SMURF1: variants seen among roughly 807,000 people sequenced by gnomAD.
SMURF1 encodes the protein E3 ubiquitin-protein ligase SMURF1.
In SMURF1, 44 loss-of-function variants were observed where a neutral mutation model predicts 98.0. The ratio of observed to expected loss-of-function variants is 0.45; its 90% CI spans 0.35 to 0.58. The LOEUF is 0.58. SMURF1 is among the 20% of genes least tolerant of loss of function. SMURF1 has a pLI of 0.00. For missense variants in SMURF1, 687 were observed against 938.4 expected, an observed-to-expected ratio of 0.73 and a Z score of 3.50; for synonymous variants, 396 against 374.9, an observed-to-expected ratio of 1.06 and a Z score of -0.65.
intron 1 of SMURF1, among the ~76,000 whole-genome samples, chr7:99,093,041 T>C (rs1453168836): frequency 6.6e-6 from 1 of 152,108 alleles, no homozygotes; most frequent in African/African-American, 2.4e-5. Context: ...CTAACACCAG[T>C]GGTCTTCACT....
intron 1 of SMURF1, among the ~76,000 whole-genome samples, chr7:99,130,140 C>T (rs1182246571): frequency 6.6e-6 from 1 of 152,050 alleles, no homozygotes; most frequent in Non-Finnish European, 1.5e-5. Flanking sequence ...ATAATCTGTA[C>T]CTGAATTTTG....
At chr7:99,049,306 G>A (rs767374798) in intron 9 of SMURF1, 5 of 429,618 alleles carry the variant, frequency 1.2e-5, no homozygotes, top group Admixed American at 3.8e-5. Context: ...TCGTGCAGCC[G>A]CCTAATACTG....
chr7:99,075,228 C>T (rs555370213), intron 1 of SMURF1, among the ~76,000 whole-genome samples: 1 of 152,280 alleles, frequency 6.6e-6, no homozygotes, highest in South Asian at 2.1e-4. Flanking sequence ...AAGCGATCCT[C>T]CCACCTCAGC....
Position 99,052,375 on chromosome 7 carries a change from T to C in SMURF1, c.551A>G (p.Asp184Gly). The C allele has an allele frequency of 6.2e-7, 1 of 1,612,200 alleles. No individual in the cohort carries two copies. Among genetic ancestry groups the C allele is most frequent in the African/African-American group, 1.3e-5 (1 of 75,026 alleles). The change falls in exon 7 of 18, where the codon GAT becomes GGT. Residue 184 changes from aspartate to glycine, a missense_variant. By Grantham distance (94) the Asp-to-Gly change is moderately conservative. Around this residue, in one of 2 missense-constraint regions of SMURF1, gnomAD observed 415 missense variants for 508.4 expected, o/e 0.82. Coordinates refer to ENST00000361368, the MANE Select transcript of SMURF1 (RefSeq NM_181349.3). ...CFMEEPAPYT[D>G]STGAAAGGGN... ...TCCTCCAGCAGCAGCACCGGTGCTA[T>C]CTGTGTAAGGGGCTGGTTCCTCCAT...
chr7:99,077,005 C>A (rs564883401), intron 1 of SMURF1, among the ~76,000 whole-genome samples: 3,441 of 147,952 alleles, frequency 0.023, 136 homozygotes, highest in African/African-American at 0.083. Flanking sequence ...AAAAAAAAAA[C>A]AAAAAAGGTT....
intron 1 of SMURF1, among the ~76,000 whole-genome samples, chr7:99,096,459 T>C (rs1796958289): frequency 6.6e-6 from 1 of 152,116 alleles, no homozygotes; most frequent in Admixed American, 6.5e-5. Flanking sequence ...CCAGCGAAAT[T>C]GCAACTCACA....
At position 99,037,124 on chromosome 7, in the gene SMURF1, C is replaced by T. The variant is rs770555536; in HGVS notation, c.1752G>A (p.Gly584=). 2.9e-5 allele frequency: 46 copies of T among 1,614,022 alleles called. No individual in the cohort carries two copies. Among genetic ancestry groups the T allele is most frequent in the Non-Finnish European group, 3.1e-5 (36 of 1,180,040 alleles). ...GATGTTGAGGGATGAGCTCATTGAA[C>T]CCCTTCTGCAGAGCTAAGAACTGGG... is the stretch of plus-strand genomic sequence containing the variant. ...IEAQFLALQK[G]FNELIPQHLL... Residue 584 remains glycine (G), a synonymous_variant, in exon 15 of 18, where the codon GGG becomes GGA. Coordinates refer to ENST00000361368, the MANE Select transcript of SMURF1 (RefSeq NM_181349.3).
At chr7:99,143,494 G>C (rs1296327649) in intron 1 of SMURF1, among the ~76,000 whole-genome samples, 1 of 130,342 alleles carries the variant, frequency 7.7e-6, no homozygotes, top group Non-Finnish European at 1.7e-5. Flanking sequence ...AGGTGCGGGG[G>C]AACGGGAGGG....
chr7:99,135,343 CCCTCTCT>C (rs1268598082), intron 1 of SMURF1, among the ~76,000 whole-genome samples: 3 of 151,922 alleles, frequency 2.0e-5, no homozygotes, highest in South Asian at 2.1e-4. Flanking sequence ...TCTCCTCTCT[CCCTCTCT>C]CCTCTCTCTT....
chr7:99,078,360 A>G (rs1796509600), intron 1 of SMURF1, among the ~76,000 whole-genome samples: 2 of 152,100 alleles, frequency 1.3e-5, no homozygotes, highest in Non-Finnish European at 2.9e-5. Flanking sequence ...ACAGATAATT[A>G]GGTTTGAGAC....
At chr7:99,031,185 A>C (rs770176944) in intron 17 of SMURF1, among the ~76,000 whole-genome samples, 1 of 152,114 alleles carries the variant, frequency 6.6e-6, no homozygotes, top group Admixed American at 6.6e-5. Flanking sequence ...ACCACTAACG[A>C]TGTACTGCGT....
At chr7:99,093,877 A>C (rs943641260) in intron 1 of SMURF1, among the ~76,000 whole-genome samples, 1 of 152,142 alleles carries the variant, frequency 6.6e-6, no homozygotes, top group Admixed American at 6.5e-5. Context: ...TAAATGTTCA[A>C]GATTTGATAG....
At chr7:99,137,095 C>T (rs1366157873) in intron 1 of SMURF1, among the ~76,000 whole-genome samples, 1 of 152,134 alleles carries the variant, frequency 6.6e-6, no homozygotes, top group African/African-American at 2.4e-5. Flanking sequence ...TTTATCAATT[C>T]ATTGTATTAT....
intron 1 of SMURF1, among the ~76,000 whole-genome samples, chr7:99,125,137 A>G (rs1797717995): frequency 1.3e-5 from 2 of 152,156 alleles, no homozygotes; most frequent in South Asian, 4.1e-4. Flanking sequence ...GGAGTTCAGA[A>G]GCACCATCAT....
In SMURF1 at chr7:99,084,810, C is replaced by T. The variant is rs149798822; in HGVS notation, c.56-22973G>A. Among the ~76,000 whole-genome samples, 1,325 of 152,232 alleles carry T rather than the reference C, an allele frequency of 8.7e-3. 15 individuals are homozygous for T. Among genetic ancestry groups the T allele is most frequent in the African/African-American group, 0.028 (1,180 of 41,532 alleles). The stretch of plus-strand genomic sequence containing the variant: ...GATATGGTTTGGGTATGGGTCCCCC[C>T]GCAAATCTCATGTCAAATTGTAATC... On this transcript the variant is annotated intron_variant, in intron 1 of 17. Transcript: ENST00000361368.
At chr7:99,063,715 A>G (rs1252791021) in intron 1 of SMURF1, among the ~76,000 whole-genome samples, 3 of 152,010 alleles carry the variant, frequency 2.0e-5, no homozygotes, top group Admixed American at 2.0e-4. Context: ...CATCCCAAAA[A>G]GAAAGGCCAT....
chr7:99,060,758 G>A, intron 2 of SMURF1, 51 bp from the exon 3 acceptor site: 1 of 1,222,846 alleles, frequency 8.2e-7, no homozygotes, highest in Admixed American at 1.9e-5. Context: ...ATCCATCCAT[G>A]TGACACAGAA....
At chr7:99,063,275 AT>A (rs373462900) in intron 1 of SMURF1, among the ~76,000 whole-genome samples, 819 of 20,660 alleles carry the variant, frequency 0.04, 65 homozygotes, top group Non-Finnish European at 0.067. Flanking sequence ...ATATATATAT[AT>A]ATATATATAT....
rs1796555928 is a variant in SMURF1, at chr7:99,080,445, A to C, written c.56-18608T>G. On this transcript the variant is annotated intron_variant, in intron 1 of 17. Transcript: ENST00000361368. ...CTCCTGAGTAGCTGGGATTACAAGC[A>C]TGCACCACTACACCCGGCTAACTTT... Among the ~76,000 whole-genome samples the C allele has an allele frequency of 2.0e-5, 3 of 152,284 alleles. No individual in the cohort carries two copies. In the South Asian group the frequency reaches 6.2e-4, roughly 32 times the overall value.
Sources: allele counts gnomAD v4.1 joint callset (sites outside exome capture counted in the v4.1 genomes callset), GRCh38; gene constraint gnomAD v4.1.1; regional missense constraint gnomAD v4.1.1; transcripts MANE v1.5; gene names NCBI Gene and HGNC (gene_info 2026-07-23, HGNC 2026-07-21).